ZPR1: variants seen among roughly 807,000 people sequenced by gnomAD.
The protein encoded by ZPR1 is ZPR1 zinc finger.
ZPR1 carries 37 observed loss-of-function variants against 59.6 expected under a neutral mutation model. That is an observed-to-expected ratio of 0.62 (90% CI 0.48 to 0.82). The LOEUF is 0.82. ZPR1 is among the 40% of genes least tolerant of loss of function. ZPR1 has a pLI of 0.00. For synonymous variants in ZPR1, 191 were observed against 215.2 expected, an observed-to-expected ratio of 0.89 and a Z score of 0.99; for missense variants, 527 against 579.9, an observed-to-expected ratio of 0.91 and a Z score of 0.94.
intron 4 of ZPR1, 69 bp from the exon 5 acceptor site, chr11:116,785,951 A>G: frequency 2.2e-6 from 3 of 1,379,516 alleles, no homozygotes; most frequent in East Asian, 4.6e-5. Flanking sequence ...TGTCATGCCC[A>G]TGTTACTTCC....
intron 9 of ZPR1, 36 bp from the exon 10 acceptor site, chr11:116,783,655 A>C: frequency 6.4e-7 from 1 of 1,572,484 alleles, no homozygotes; most frequent in Non-Finnish European, 8.8e-7. Context: ...CAGAGAGAAG[A>C]CCTGAGCCTC....
intron 2 of ZPR1, 27 bp from the exon 3 acceptor site, chr11:116,787,086 CAA>C (rs1940899386): frequency 6.3e-7 from 1 of 1,584,194 alleles, no homozygotes. Context: ...ACGTTCAGTA[CAA>C]AGAGACTGCA....
rs1193601787 is a variant in ZPR1, at chr11:116,776,446, G to A, written c.*2479C>T. On this transcript the variant is annotated 3_prime_UTR_variant, in exon 14 of 14. Coordinates refer to ENST00000227322, the MANE Select transcript of ZPR1 (RefSeq NM_003904.5). The stretch of plus-strand genomic sequence containing the variant: ...AGATTTTATTAACCATGTGTCATAT[G>A]CTGGGTGCTGTGGAGCAAGACTCAG... 1 of 152,236 alleles carries A rather than the reference G, an allele frequency of 6.6e-6. No individual in the cohort carries two copies. Among genetic ancestry groups the A allele is most frequent in the Non-Finnish European group, 1.5e-5 (1 of 68,052 alleles). 9.4% of individuals were successfully genotyped at this position (152,236 alleles called of 1,614,324 possible). A position where few individuals can be genotyped will look rare whatever the true frequency, so the allele number is the denominator to read the frequency against.
In ZPR1 at chr11:116,787,813, G is replaced by A. The variant is rs1940913847; in HGVS notation, c.171+7C>T. 4 of 1,551,014 alleles carry A rather than the reference G, an allele frequency of 2.6e-6. No individual in the cohort carries two copies. In the East Asian group the frequency reaches 9.7e-5, roughly 38 times the overall value. On this transcript the variant is annotated splice_region_variant and intron_variant, in intron 1 of 13. Transcript: ENST00000227322. ...ACCCGCCGCTCGCGGCCGCGCCCCCGCCTCACATTGCAGTAACAGTTCATG... is the reference window on the plus strand; with the variant it reads ...ACCCGCCGCTCGCGGCCGCGCCCCCACCTCACATTGCAGTAACAGTTCATG...
chr11:116,784,999 A>G (rs2134197029), intron 7 of ZPR1, 78 bp from the exon 8 acceptor site: 1 of 1,604,520 alleles, frequency 6.2e-7, no homozygotes, highest in East Asian at 2.2e-5. Flanking sequence ...TTGGTATGCT[A>G]GTGGTCATCT....
intron 3 of ZPR1, 121 bp downstream of exon 3, chr11:116,786,848 A>T: frequency 1.2e-6 from 1 of 833,046 alleles, no homozygotes; most frequent in Non-Finnish European, 2.0e-6. Context: ...TGAAGATCAC[A>T]ATGATTACAT....
Position 116,776,987 on chromosome 11 carries a change from G to C in ZPR1, c.*1938C>G, listed in dbSNP as rs1940732241. The C allele has an allele frequency of 6.6e-6, 1 of 152,188 alleles. No homozygotes were observed. The highest frequency in any genetic ancestry group is 2.4e-5 in the African/African-American group (1 of 41,438). 9.4% of individuals were successfully genotyped at this position (152,188 alleles called of 1,614,324 possible). On this transcript the variant is annotated 3_prime_UTR_variant, in exon 14 of 14. Transcript: ENST00000227322. Reference sequence around the variant, plus strand: ...TTGAATGAGTCATTTGCTAACCTGAGTCTCCAAACACCTTACTCTCGCCCT... The same window carrying C: ...TTGAATGAGTCATTTGCTAACCTGACTCTCCAAACACCTTACTCTCGCCCT...
intron 9 of ZPR1, among the ~76,000 whole-genome samples, chr11:116,783,860 TAAAAAAAAAA>T (rs11355367): frequency 7.9e-6 from 1 of 126,422 alleles, no homozygotes; most frequent in Admixed American, 8.0e-5. Flanking sequence ...GAATTTACCT[TAAAAAAAAAA>T]AAAAAAAAAA....
At chr11:116,785,046 C>T (rs1259760787) in intron 7 of ZPR1, 53 bp downstream of exon 7, 5 of 1,608,868 alleles carry the variant, frequency 3.1e-6, no homozygotes, top group Non-Finnish European at 4.3e-6. Context: ...TGAACAGCAT[C>T]AGTCTCAGCC....
Position 116,778,942 on chromosome 11 carries a change from G to C in ZPR1, c.1363C>G (p.Leu455Val). ...ACCCACTGCTACCGTTGCGGAGCCA[G>C]GCCTGCCTCATAGCCCTCTGTCTTC... Reference protein sequence around the residue: ...DMKTEGYEAGLAPQR With the variant: ...DMKTEGYEAGVAPQR Residue 455 changes from leucine to valine, a missense_variant, in exon 14 of 14, where the codon CTG (leucine) becomes GTG (valine). By Grantham distance (32) the Leu-to-Val change is conservative (BLOSUM62 1). Coordinates refer to ENST00000227322, the MANE Select transcript of ZPR1 (RefSeq NM_003904.5). 1 of 1,614,038 alleles carries C rather than the reference G, an allele frequency of 6.2e-7. No homozygotes were observed. The highest frequency in any genetic ancestry group is 8.5e-7 in the Non-Finnish European group (1 of 1,180,036).
rs953460098 is a variant in ZPR1, at chr11:116,773,941, G to C, written c.*4984C>G. 4.6e-5 allele frequency: 7 copies of C among 152,196 alleles called. No homozygotes were observed. The highest frequency in any genetic ancestry group is 1.7e-4 in the African/African-American group (7 of 41,446). 9.4% of individuals were successfully genotyped at this position (152,196 alleles called of 1,614,324 possible). A position where few individuals can be genotyped will look rare whatever the true frequency, so the allele number is the denominator to read the frequency against. ...ACTGAAGCGTGGCAAGATTAAGGAAGTTGCTCAACTTCACATAGTCAGAAC... is the reference window on the plus strand; with the variant it reads ...ACTGAAGCGTGGCAAGATTAAGGAACTTGCTCAACTTCACATAGTCAGAAC... On this transcript the variant is annotated 3_prime_UTR_variant, in exon 14 of 14. Coordinates refer to ENST00000227322, the MANE Select transcript of ZPR1 (RefSeq NM_003904.5).
Position 116,784,072 on chromosome 11 carries a change from C to G in ZPR1, c.891+306G>C, listed in dbSNP as rs572378829. ...TATTTTCAGACAGCTCTATTGAGTT[C>G]TTCATTGTGAAGTCAAAGTCTGCCT... On this transcript the variant is annotated intron_variant, in intron 9 of 13. Transcript: ENST00000227322. Among the ~76,000 whole-genome samples, 9 of 152,248 alleles carry G rather than the reference C, an allele frequency of 5.9e-5. No individual in the cohort carries two copies. In the East Asian group the frequency reaches 1.7e-3, roughly 29 times the overall value.
rs757721812 is a variant in ZPR1, at chr11:116,784,879, CG to C, written c.795del (p.Ala266LeufsTer5). ...FSTNCPECNAPAQTNMKLVQI... is the reference protein window; with the variant it reads ...FSTNCPECNAXAQTNMKLVQI... ...CGTACTAGCTTCATGTTGGTCTGAG[CG>C]GGGGCATTGCATTCTGGGCAGTTTG... On this transcript the variant is annotated frameshift_variant, in exon 8 of 14. Coordinates refer to ENST00000227322, the MANE Select transcript of ZPR1 (RefSeq NM_003904.5). LOFTEE classifies it high-confidence loss of function. 6.2e-7 allele frequency: 1 copy of C among 1,614,192 alleles called. No individual in the cohort carries two copies. Among genetic ancestry groups the C allele is most frequent in the Non-Finnish European group, 8.5e-7 (1 of 1,180,034 alleles).
chr11:116,784,506 A>T, intron 8 of ZPR1, 58 bp from the exon 9 acceptor site: 1 of 1,515,436 alleles, frequency 6.6e-7, no homozygotes, highest in Non-Finnish European at 9.2e-7. Flanking sequence ...CATCTGGGGA[A>T]AAACAAAGCC....
intron 13 of ZPR1, 69 bp from the exon 14 acceptor site, chr11:116,779,128 C>G: frequency 6.3e-7 from 1 of 1,584,252 alleles, no homozygotes; most frequent in Non-Finnish European, 8.6e-7. Context: ...GCTTCCAATT[C>G]CCACCTTCCC....
At position 116,774,689 on chromosome 11, in the gene ZPR1, G is replaced by C. The variant is rs1940698905; in HGVS notation, c.*4236C>G. 6.6e-6 allele frequency: 1 copy of C among 152,220 alleles called. No homozygotes were observed. The highest frequency in any genetic ancestry group is 6.5e-5 in the Admixed American group (1 of 15,278). The allele number at this position is 152,220 out of a possible 1,614,324, so 9.4% of individuals were successfully genotyped here. On this transcript the variant is annotated 3_prime_UTR_variant, in exon 14 of 14. Transcript: ENST00000227322. ...GGGGCTCTGAGGGCTTGTGAGACGA[G>C]GACGCTGGGCTGAGAAGATAGGGCT... is the stretch of plus-strand genomic sequence containing the variant.
chr11:116,783,177 C>G, intron 10 of ZPR1, 148 bp from the exon 11 acceptor site: 1 of 642,816 alleles, frequency 1.6e-6, no homozygotes, highest in Admixed American at 2.6e-5. Context: ...AAGCTTGAGA[C>G]TCACTCCTGT....
intron 13 of ZPR1, 85 bp from the exon 14 acceptor site, chr11:116,779,144 C>T: frequency 6.4e-7 from 1 of 1,557,318 alleles, no homozygotes; most frequent in Non-Finnish European, 8.7e-7. Flanking sequence ...TTCCCAAGAA[C>T]AGAATGAGTT....
chr11:116,779,132 C>T (rs1362133885), intron 13 of ZPR1, 73 bp from the exon 14 acceptor site: 3 of 1,582,518 alleles, frequency 1.9e-6, no homozygotes, highest in African/African-American at 2.7e-5. Flanking sequence ...CCAATTCCCA[C>T]CTTCCCAAGA....
Sources: gnomAD v4.1 joint callset for allele counts (sites outside exome capture counted in the v4.1 genomes callset) on GRCh38, gnomAD v4.1.1 for gene constraint, MANE v1.5 for transcripts, NCBI Gene and HGNC (gene_info 2026-07-23, HGNC 2026-07-21) for gene names.